BBOF1: variants seen among roughly 807,000 people sequenced by gnomAD.
BBOF1 encodes basal body orientation factor 1.
A neutral mutation model predicts 68.0 loss-of-function variants in BBOF1; 62 were observed. That is an observed-to-expected ratio of 0.91 (90% CI 0.74 to 1.13). The LOEUF (loss-of-function observed/expected upper bound fraction) is 1.13. BBOF1 is among the 50% of genes most tolerant of loss of function. The pLI is 0.00. For synonymous variants in BBOF1, 208 were observed against 198.8 expected (o/e 1.05, Z -0.39); for missense variants, 534 against 600.1 (o/e 0.89, Z 1.15).
Position 74,040,642 on chromosome 14 carries a change from A to G in BBOF1, c.573A>G (p.Glu191=). The part of the protein sequence containing the change: ...LRRLESRFFE[E]KHRLEQEAEK... ...GACTGGAAAGCAGATTTTTTGAAGA[A>G]AAGGTACAGATTATTAGGGTTAATT... The change falls in exon 5 of 12, where the codon GAA becomes GAG. Residue 191 remains glutamate, a synonymous_variant. Transcript: ENST00000394009. The G allele has an allele frequency of 6.4e-7, 1 of 1,568,552 alleles. No individual in the cohort carries two copies. Among genetic ancestry groups the G allele is most frequent in the Non-Finnish European group, 8.7e-7 (1 of 1,150,866 alleles).
Position 74,065,015 on chromosome 14 carries a change from T to C in BBOF1, c.*316T>C, listed in dbSNP as rs1402781515. On this transcript the variant is annotated 3_prime_UTR_variant, in exon 12 of 12. Coordinates refer to ENST00000394009, the MANE Select transcript of BBOF1 (RefSeq NM_025057.3). Reference sequence around the variant, plus strand: ...CAGAGACCAGTTTTAAATACCCACCTTCTACCCTATCCTCTACCCCATGAA... The same window carrying C: ...CAGAGACCAGTTTTAAATACCCACCCTCTACCCTATCCTCTACCCCATGAA... 3 of 1,374,502 alleles carry C rather than the reference T, an allele frequency of 2.2e-6. No homozygotes were observed. The highest frequency in any genetic ancestry group is 1.4e-5 in the African/African-American group (1 of 69,480). 85.1% of individuals were successfully genotyped at this position (1,374,502 alleles called of 1,614,324 possible).
In BBOF1 at chr14:74,059,255, A is replaced by G. The variant is rs111554139; in HGVS notation, c.1578+1997A>G. 359 of 361,334 alleles carry G rather than the reference A, an allele frequency of 9.9e-4. 4 individuals carry two copies. Among genetic ancestry groups the G allele is most frequent in the African/African-American group, 7.0e-3 (328 of 46,734 alleles). The allele number at this position is 361,334 out of a possible 1,614,324, so 22.4% of individuals were successfully genotyped here. On this transcript the variant is annotated intron_variant, in intron 11 of 11. Transcript: ENST00000394009. ...TCATTAAACAAATCACTAATTAGAA[A>G]TACAGGCAAGAGAAAAGAATATATA...
intron 4 of BBOF1, among the ~76,000 whole-genome samples, chr14:74,036,704 T>C (rs1595042962): frequency 7.7e-6 from 1 of 129,048 alleles, no homozygotes; most frequent in Non-Finnish European, 1.6e-5. Flanking sequence ...AAAAAAAAGC[T>C]GTCTTTAGTG....
In BBOF1 at chr14:74,029,771, G is replaced by T. The variant is rs546466810; in HGVS notation, c.351+522G>T. Among the ~76,000 whole-genome samples, 6 of 152,028 alleles carry T rather than the reference G, an allele frequency of 3.9e-5. No homozygotes were observed. The East Asian group carries it at 9.6e-4, about 24-fold the overall frequency. ...AATATTAAGATTGCTTCCTGATACT[G>T]AATTTGTTATTGTTTCTAATGCTTT... On this transcript the variant is annotated intron_variant, in intron 3 of 11. Coordinates refer to ENST00000394009, the MANE Select transcript of BBOF1 (RefSeq NM_025057.3).
downstream of BBOF1, among the ~76,000 whole-genome samples, chr14:74,070,329 G>GCCAA (rs1490936212): frequency 1.2e-4 from 18 of 152,114 alleles, no homozygotes; most frequent in African/African-American, 4.3e-4. Context: ...GACTAGCCTG[G>GCCAA]CCAACATGGT....
In BBOF1 at chr14:74,072,478, C is replaced by T; in HGVS notation, n.1380-5718C>T. 1.9e-6 allele frequency: 3 copies of T among 1,613,266 alleles called. No individual in the cohort carries two copies. The Admixed American group carries it at 5.0e-5, about 27-fold the overall frequency. On this transcript the variant is annotated intron_variant and non_coding_transcript_variant, in intron 9 of 12. Transcript: ENST00000492026. ...AACAGACACCCAGGTCCCTTCTTGC[C>T]CATCATGTCCCTAGAATTCTAGGCT...
At position 74,057,880 on chromosome 14, in the gene BBOF1, TCA is replaced by T. The variant is rs1032749093; in HGVS notation, c.1578+625_1578+626del. 9.1e-5 allele frequency: 93 copies of T among 1,024,624 alleles called. No individual in the cohort carries two copies. In the African/African-American group the frequency reaches 1.5e-3, roughly 16 times the overall value. The allele number at this position is 1,024,624 out of a possible 1,614,324, so 63.5% of individuals were successfully genotyped here. On this transcript the variant is annotated intron_variant, in intron 11 of 11. Coordinates refer to ENST00000394009, the MANE Select transcript of BBOF1 (RefSeq NM_025057.3). The stretch of plus-strand genomic sequence containing the variant: ...AGATGAGTTGTTTCTAATTAGAGCA[TCA>T]CAGTTCTGATTAGTGTGTTTTTTTA...
At position 74,049,782 on chromosome 14, in the gene BBOF1, G is replaced by A. The variant is rs2060025367; in HGVS notation, c.873G>A (p.Lys291=). 6.2e-7 allele frequency: 1 copy of A among 1,614,188 alleles called. No homozygotes were observed. The highest frequency in any genetic ancestry group is 8.5e-7 in the Non-Finnish European group (1 of 1,180,038). The stretch of plus-strand genomic sequence containing the variant: ...CACAAATCCAAACCCTTCAGAAGAA[G>A]GTAGTAAACTTGGAGACTGCTCTGA... ...QRSQIQTLQK[K]VVNLETALSY... Residue 291 remains lysine, a synonymous_variant, in exon 8 of 12, where the codon AAG becomes AAA. Coordinates refer to ENST00000394009, the MANE Select transcript of BBOF1 (RefSeq NM_025057.3).
chr14:74,020,477 T>A (rs1194813339), intron 1 of BBOF1, among the ~76,000 whole-genome samples: 1 of 152,078 alleles, frequency 6.6e-6, no homozygotes, highest in African/African-American at 2.4e-5. Flanking sequence ...GTGGTCCTAT[T>A]AGAGTGTCTA....
intron 5 of BBOF1, among the ~76,000 whole-genome samples, chr14:74,041,257 T>A (rs2059820376): frequency 6.6e-6 from 1 of 152,038 alleles, no homozygotes; most frequent in African/African-American, 2.4e-5. Context: ...GAGGCGATAT[T>A]GCACCACTGC....
chr14:74,075,446 TAGG>T (rs1483605850), intron 9 of BBOF1, among the ~76,000 whole-genome samples: 1 of 152,046 alleles, frequency 6.6e-6, no homozygotes, highest in Non-Finnish European at 1.5e-5. Context: ...CACTTGAGTC[TAGG>T]AGTTTTGAGA....
chr14:74,065,351 T>C lies in BBOF1; in HGVS notation c.*652T>C. On this transcript the variant is annotated 3_prime_UTR_variant, in exon 12 of 12. Transcript: ENST00000394009. ...CCAAAAATCTCCTCTTTGTAACAGGTCATATTTGGCTGCCAGGAGTGATGC... is the reference window on the plus strand; with the variant it reads ...CCAAAAATCTCCTCTTTGTAACAGGCCATATTTGGCTGCCAGGAGTGATGC... 6.2e-7 allele frequency: 1 copy of C among 1,614,030 alleles called. No homozygotes were observed. Among genetic ancestry groups the C allele is most frequent in the Non-Finnish European group, 8.5e-7 (1 of 1,180,010 alleles).
chr14:74,059,296 TAGC>T (rs1483681832), intron 11 of BBOF1: 10 of 434,880 alleles, frequency 2.3e-5, no homozygotes, highest in Non-Finnish European at 4.1e-5. Context: ...TGGCAAGTAA[TAGC>T]AGGTTAGATT....
intron 7 of BBOF1, among the ~76,000 whole-genome samples, chr14:74,049,223 A>G (rs2060014917): frequency 1.3e-5 from 2 of 152,128 alleles, no homozygotes; most frequent in Non-Finnish European, 2.9e-5. Context: ...AGCACAATTC[A>G]TAATTAGTAG....
intron 1 of BBOF1, among the ~76,000 whole-genome samples, chr14:74,022,321 G>A (rs192195862): frequency 6.6e-6 from 1 of 152,330 alleles, no homozygotes; most frequent in Admixed American, 6.5e-5. Context: ...GCTGAGGTAG[G>A]AGGATCACTT....
chr14:74,051,114 C>T (rs1223154275), intron 8 of BBOF1, among the ~76,000 whole-genome samples: 2 of 152,044 alleles, frequency 1.3e-5, no homozygotes, highest in East Asian at 3.9e-4. Context: ...CATGGTGGCA[C>T]ATTCCTGTAA....
chr14:74,044,843 T>C (rs1385266679), intron 5 of BBOF1, among the ~76,000 whole-genome samples: 1 of 152,096 alleles, frequency 6.6e-6, no homozygotes, highest in Non-Finnish European at 1.5e-5. Context: ...AAGAATCGAT[T>C]GAACCCAGGA....
intron 9 of BBOF1, among the ~76,000 whole-genome samples, chr14:74,056,630 CT>C (rs111470766): frequency 5.3e-5 from 8 of 152,234 alleles, no homozygotes; most frequent in African/African-American, 1.7e-4. Flanking sequence ...GCCACTGCCC[CT>C]GGCCAGTTAT....
intron 2 of BBOF1, among the ~76,000 whole-genome samples, chr14:74,028,550 T>C (rs989505565): frequency 4.0e-5 from 6 of 150,014 alleles, no homozygotes; most frequent in African/African-American, 1.5e-4. Flanking sequence ...TTAATGTATA[T>C]GGGTGAATAG....
Sources: gnomAD v4.1 joint callset for allele counts (sites outside exome capture counted in the v4.1 genomes callset) on GRCh38, gnomAD v4.1.1 for gene constraint, MANE v1.5 for transcripts, NCBI Gene and HGNC (gene_info 2026-07-23, HGNC 2026-07-21) for gene names.